Variants in CACHD1 observed in about 807,000 individuals in gnomAD.
CACHD1 encodes the protein cache domain containing 1.
A neutral mutation model predicts 138.7 loss-of-function variants in CACHD1; 71 were observed. The ratio of observed to expected loss-of-function variants is 0.51; its 90% confidence interval spans 0.42 to 0.62. The LOEUF is 0.62. Among genes scored for constraint, CACHD1 ranks in the 20% least tolerant of loss-of-function variants. The probability of loss-of-function intolerance (pLI) is 0.00; values close to 1 mark genes in which losing one functional copy is unlikely to be tolerated. For synonymous variants in CACHD1, 578 were observed against 591.5 expected (o/e 0.98, Z 0.33); for missense variants, 1,389 against 1,625.3 (o/e 0.85, Z 2.50).
intron 24 of CACHD1, 143 bp downstream of exon 24, chr1:64,679,899 C>A: frequency 1.1e-6 from 1 of 919,578 alleles, no homozygotes; most frequent in Non-Finnish European, 1.6e-6. Context: ...CCAAAGCCTG[C>A]TTTCTTCTTC....
chr1:64,478,167 A>AT (rs1217769904), intron 1 of CACHD1, among the ~76,000 whole-genome samples: 1 of 152,260 alleles, frequency 6.6e-6, no homozygotes, highest in African/African-American at 2.4e-5. Context: ...ACTCTCCTAG[A>AT]TTTTTACAAA....
chr1:64,596,524 G>T (rs1469854364), intron 3 of CACHD1, among the ~76,000 whole-genome samples: 4 of 152,166 alleles, frequency 2.6e-5, no homozygotes, highest in African/African-American at 9.7e-5. Flanking sequence ...GCAGCTACTG[G>T]TGAAGGGTTT....
chr1:64,651,941 A>G (rs1649110309), intron 9 of CACHD1, among the ~76,000 whole-genome samples: 1 of 152,002 alleles, frequency 6.6e-6, no homozygotes, highest in Non-Finnish European at 1.5e-5. Context: ...TAACTGCGCT[A>G]TCTGAGCTGC....
Position 64,681,800 on chromosome 1 carries a change from G to A in CACHD1, c.3485-205G>A, listed in dbSNP as rs113335342. Among the ~76,000 whole-genome samples, 546 of 152,048 alleles carry A rather than the reference G, an allele frequency of 3.6e-3. 2 individuals carry two copies. The highest frequency in any genetic ancestry group is 0.013 in the African/African-American group (529 of 41,442). On this transcript the variant is annotated intron_variant, in intron 25 of 26. Coordinates refer to ENST00000651257, the MANE Select transcript of CACHD1 (RefSeq NM_020925.4). ...ACTAGACCATAGCTTCCTGATGCAC[G>A]TTGGAGATATATAATTAAATACCTC... is the stretch of plus-strand genomic sequence containing the variant.
rs554355927 is a variant in CACHD1, at chr1:64,652,376, A to G, written c.1540+66A>G. 1.2e-5 allele frequency: 17 copies of G among 1,392,650 alleles called. No individual in the cohort carries two copies. In the South Asian group the frequency reaches 2.1e-4, roughly 17 times the overall value. 86.3% of individuals were successfully genotyped at this position (1,392,650 alleles called of 1,614,324 possible). ...AACCTAAAGAAAATAAGGTATAGATATTCTACAAACAAAATAGGAAAATGA... is the reference window on the plus strand; with the variant it reads ...AACCTAAAGAAAATAAGGTATAGATGTTCTACAAACAAAATAGGAAAATGA... On this transcript the variant is annotated intron_variant, in intron 10 of 26. Coordinates refer to ENST00000651257, the MANE Select transcript of CACHD1 (RefSeq NM_020925.4).
At chr1:64,510,372 A>G (rs913338301) in intron 1 of CACHD1, among the ~76,000 whole-genome samples, 1 of 152,200 alleles carries the variant, frequency 6.6e-6, no homozygotes, top group African/African-American at 2.4e-5. Context: ...CAGCTGGGGC[A>G]GTATGTGTGT....
At chr1:64,605,277 T>C (rs373348427) in intron 4 of CACHD1, among the ~76,000 whole-genome samples, 2 of 152,180 alleles carry the variant, frequency 1.3e-5, no homozygotes, top group African/African-American at 4.8e-5. Flanking sequence ...ATTTAAGAAT[T>C]AGTGTGCATT....
chr1:64,553,920 T>A (rs776244529), intron 2 of CACHD1, among the ~76,000 whole-genome samples: 1 of 152,228 alleles, frequency 6.6e-6, no homozygotes, highest in Non-Finnish European at 1.5e-5. Flanking sequence ...GAAGCACCCA[T>A]GTTGACATCT....
chr1:64,478,248 C>T (rs1646188153), intron 1 of CACHD1, among the ~76,000 whole-genome samples: 1 of 152,164 alleles, frequency 6.6e-6, no homozygotes, highest in Non-Finnish European at 1.5e-5. Context: ...TGGGGAAGCT[C>T]CTCTGGGTCT....
rs191483532 is a variant in CACHD1 at position 64,544,260 on chromosome 1, G to C, written c.199-6334G>C. ...AGCAAATATCAGGGAGGGAGACCCA[G>C]AGAATCTCATTAGGCTTGCAAAGGT... is the stretch of plus-strand genomic sequence containing the variant. On this transcript the variant is annotated intron_variant, in intron 1 of 26. Transcript: ENST00000651257. Among the ~76,000 whole-genome samples, 402 of 152,248 alleles carry C rather than the reference G, an allele frequency of 2.6e-3. 3 individuals are homozygous for C. The highest frequency in any genetic ancestry group is 9.3e-3 in the African/African-American group (388 of 41,554).
intron 4 of CACHD1, among the ~76,000 whole-genome samples, chr1:64,611,563 G>A (rs1179452214): frequency 6.6e-6 from 1 of 152,228 alleles, no homozygotes; most frequent in Non-Finnish European, 1.5e-5. Flanking sequence ...CAGGGCAGAA[G>A]CAAAAGTCTC....
At chr1:64,634,722 C>T (rs1381081357) in intron 7 of CACHD1, among the ~76,000 whole-genome samples, 5 of 152,080 alleles carry the variant, frequency 3.3e-5, no homozygotes, top group South Asian at 4.2e-4. Context: ...GGGCGAGGTG[C>T]GGTGGCTCAC....
rs140966471 is a variant in CACHD1, at chr1:64,543,402, C to CATATATATATATATATATATATATATAT, written c.199-7168_199-7167insATATATATATATATATATATATATATAT. Among the ~76,000 whole-genome samples the CATATATATATATATATATATATATATAT allele has an allele frequency of 5.4e-4, 69 of 126,826 alleles. 1 individual carries two copies. Among genetic ancestry groups the CATATATATATATATATATATATATATAT allele is most frequent in the African/African-American group, 1.6e-3 (50 of 30,578 alleles). 83.2% of individuals were successfully genotyped at this position (126,826 alleles called of 152,430 possible). On this transcript the variant is annotated intron_variant, in intron 1 of 26. Coordinates refer to ENST00000651257, the MANE Select transcript of CACHD1 (RefSeq NM_020925.4). ...GAGATCCTATCTCTAAAAAAAAATA[C>CATATATATATATATATATATATATATAT]ATATATATATATATATATATATATT...
intron 1 of CACHD1, among the ~76,000 whole-genome samples, chr1:64,477,556 C>T (rs1324385966): frequency 3.3e-5 from 5 of 150,706 alleles, no homozygotes; most frequent in Admixed American, 3.3e-4. Flanking sequence ...TTCATCTCTA[C>T]CTCTGCCTCC....
rs560798108 is a variant in CACHD1 at position 64,533,351 on chromosome 1, G to A, written c.199-17243G>A. 1.8e-4 allele frequency among the ~76,000 whole-genome samples: 27 copies of A among 152,296 alleles called. No homozygotes were observed. In the East Asian group the frequency reaches 5.2e-3, roughly 29 times the overall value. ...AGCCTGGGTGACAGAGTGAGACCCT[G>A]TCTCAAAAACAAGAGAGAGAGGCCC... On this transcript the variant is annotated intron_variant, in intron 1 of 26. Transcript: ENST00000651257.
At chr1:64,676,075 T>G (rs955646490) in intron 21 of CACHD1, 92 bp downstream of exon 21, 36 of 508,294 alleles carry the variant, frequency 7.1e-5, no homozygotes, top group African/African-American at 6.9e-4. Context: ...ATAGATTTGT[T>G]TTGAGTTAGG....
chr1:64,622,122 T>C (rs1463189749), intron 4 of CACHD1, among the ~76,000 whole-genome samples: 3 of 152,184 alleles, frequency 2.0e-5, no homozygotes, highest in Admixed American at 6.5e-5. Context: ...TTATACTTGC[T>C]CAGGTTGACA....
In CACHD1 at chr1:64,664,285, G is replaced by T. The variant is rs537953170; in HGVS notation, c.2095-213G>T. 8.6e-6 allele frequency: 5 copies of T among 578,894 alleles called. No homozygotes were observed. The South Asian group carries it at 9.2e-5, about 11-fold the overall frequency. 35.9% of individuals were successfully genotyped at this position (578,894 alleles called of 1,614,324 possible). On this transcript the variant is annotated intron_variant, in intron 14 of 26. Transcript: ENST00000651257. ...CTTAAACTCAGAAAGCCTAGGTAGG[G>T]TGAACAATTGAGTGATCACGCATCT...
intron 9 of CACHD1, among the ~76,000 whole-genome samples, chr1:64,649,538 G>A (rs1385135939): frequency 6.6e-6 from 1 of 152,192 alleles, no homozygotes; most frequent in Non-Finnish European, 1.5e-5. Context: ...GCAGTGATGA[G>A]TGAGGCTCAC....
Sources: gnomAD v4.1 joint callset for allele counts (sites outside exome capture counted in the v4.1 genomes callset) on GRCh38, gnomAD v4.1.1 for gene constraint, MANE v1.5 for transcripts, NCBI Gene and HGNC (gene_info 2026-07-23, HGNC 2026-07-21) for gene names.